HDX: variants seen among roughly 807,000 people sequenced by gnomAD.
HDX encodes highly divergent homeobox.
In HDX, 19 loss-of-function variants were observed where a neutral mutation model predicts 45.2. That is an observed-to-expected ratio of 0.42 (90% CI 0.29 to 0.62). The LOEUF is 0.62. HDX is among the 20% of genes least tolerant of loss of function. HDX has a pLI of 0.20. For synonymous variants in HDX, 188 were observed against 172.8 expected (o/e 1.09, Z -0.69); for missense variants, 532 against 493.9 (o/e 1.08, Z -0.73).
intron 2 of HDX, among the ~76,000 whole-genome samples, chrX:84,477,056 AT>A (rs564493731): frequency 0.01 from 1,122 of 108,641 alleles, 23 homozygotes; most frequent in African/African-American, 0.036. Flanking sequence ...CATTAAAGCA[AT>A]TTTTTTTTTA....
chrX:84,466,626 A>G (rs894614165), intron 4 of HDX, among the ~76,000 whole-genome samples: 5 of 112,178 alleles, frequency 4.5e-5, no homozygotes, highest in African/African-American at 1.6e-4. Context: ...AAAAATAGAG[A>G]CTGTGTAAAG....
At chrX:84,471,417 G>A (rs771340588) in intron 3 of HDX, among the ~76,000 whole-genome samples, 2 of 106,985 alleles carry the variant, frequency 1.9e-5, no homozygotes, top group African/African-American at 6.8e-5. Flanking sequence ...TATCGATATA[G>A]AGTATTATTA....
intron 5 of HDX, among the ~76,000 whole-genome samples, chrX:84,401,883 T>C (rs916986215): frequency 1.8e-5 from 2 of 111,729 alleles, no homozygotes; most frequent in African/African-American, 6.5e-5. Flanking sequence ...GCATAAATCA[T>C]GTCCCTTGCA....
chrX:84,326,008 T>A (rs2036700525), intron 10 of HDX, among the ~76,000 whole-genome samples, 170 bp downstream of exon 10: 2 of 111,826 alleles, frequency 1.8e-5, no homozygotes, highest in African/African-American at 6.5e-5. Context: ...ACACAAAATC[T>A]GAGCATCTAT....
At chrX:84,477,761 TAAC>T (rs886135675) in intron 2 of HDX, among the ~76,000 whole-genome samples, 3 of 112,165 alleles carry the variant, frequency 2.7e-5, no homozygotes, top group Non-Finnish European at 5.6e-5. Context: ...TTTAAAATAA[TAAC>T]TTTTAAAGTT....
At chrX:84,417,735 G>T (rs964237156) in intron 5 of HDX, among the ~76,000 whole-genome samples, 2 of 111,451 alleles carry the variant, frequency 1.8e-5, no homozygotes, top group African/African-American at 6.5e-5. Flanking sequence ...CTATGTTTTT[G>T]GCCTTTCAGT....
chrX:84,425,364 G>T (rs1362338514), intron 5 of HDX, among the ~76,000 whole-genome samples: 1 of 111,716 alleles, frequency 9.0e-6, no homozygotes, highest in Non-Finnish European at 1.9e-5. Context: ...TACAATGTTG[G>T]TAGAAATGTA....
intron 5 of HDX, among the ~76,000 whole-genome samples, chrX:84,386,787 AAC>A (rs2038330235): frequency 8.9e-6 from 1 of 111,956 alleles, no homozygotes; most frequent in African/African-American, 3.2e-5. Context: ...TTTGCAAAGA[AAC>A]AGTCCCTTCA....
intron 5 of HDX, among the ~76,000 whole-genome samples, chrX:84,437,557 G>T (rs2039665669): frequency 9.0e-6 from 1 of 111,016 alleles, no homozygotes; most frequent in Admixed American, 9.6e-5. Flanking sequence ...ATTTTCATCT[G>T]CTTGATTTAC....
intron 5 of HDX, among the ~76,000 whole-genome samples, chrX:84,414,140 G>A (rs1463149533): frequency 9.0e-6 from 1 of 111,604 alleles, no homozygotes; most frequent in Non-Finnish European, 1.9e-5. Context: ...TCCAATCAGT[G>A]TACCCCAACT....
At chrX:84,481,646 T>C (rs1464719977) in intron 2 of HDX, among the ~76,000 whole-genome samples, 2 of 111,709 alleles carry the variant, frequency 1.8e-5, no homozygotes, top group East Asian at 5.6e-4. Context: ...TTTAAGTGCT[T>C]GGACAATTTT....
intron 2 of HDX, among the ~76,000 whole-genome samples, chrX:84,482,684 G>C (rs1166349706): frequency 9.0e-6 from 1 of 110,722 alleles, no homozygotes; most frequent in Admixed American, 9.6e-5. Flanking sequence ...ATATTATTCC[G>C]TCTCTGGCCC....
intron 5 of HDX, among the ~76,000 whole-genome samples, chrX:84,423,932 C>T (rs1034275822): frequency 9.0e-6 from 1 of 110,793 alleles, no homozygotes; most frequent in African/African-American, 3.3e-5. Flanking sequence ...TCTAGTATCA[C>T]CATTGTTATT....
intron 4 of HDX, among the ~76,000 whole-genome samples, chrX:84,441,954 T>A (rs1157842914): frequency 9.0e-6 from 1 of 111,410 alleles, no homozygotes; most frequent in East Asian, 2.8e-4. Context: ...CTAAGACAAA[T>A]GGCCAGTAAC....
intron 5 of HDX, among the ~76,000 whole-genome samples, chrX:84,423,867 C>T (rs941571624): frequency 1.8e-5 from 2 of 110,858 alleles, no homozygotes; most frequent in African/African-American, 6.6e-5. Context: ...TAATATCATA[C>T]AGAATGGGGA....
At chrX:84,440,473 A>ATTTT (rs1030229621) in intron 5 of HDX, 59 bp downstream of exon 5, 2 of 823,985 alleles carry the variant, frequency 2.4e-6, no homozygotes, top group African/African-American at 2.0e-5. Flanking sequence ...TCTCAATGGC[A>ATTTT]TTTTTACTAA....
At chrX:84,403,953 T>A (rs1258162344) in intron 5 of HDX, 1 of 111,026 alleles carries the variant, frequency 9.0e-6, no homozygotes, top group Admixed American at 9.7e-5. Context: ...AGAAGGCGGG[T>A]CAGGCATCTG....
intron 4 of HDX, among the ~76,000 whole-genome samples, chrX:84,456,846 G>A (rs1049561244): frequency 9.0e-6 from 1 of 111,555 alleles, no homozygotes; most frequent in Admixed American, 9.5e-5. Flanking sequence ...AAATATATAT[G>A]CACCAAACAC....
chrX:84,425,624 T>G, intron 5 of HDX, among the ~76,000 whole-genome samples: 1 of 111,800 alleles, frequency 8.9e-6, no homozygotes, highest in Middle Eastern at 4.7e-3. Context: ...TACTATTCAG[T>G]AATGAAAAAA....
Sources: gnomAD v4.1 joint callset for allele counts (sites outside exome capture counted in the v4.1 genomes callset) on GRCh38, gnomAD v4.1.1 for gene constraint, MANE v1.5 for transcripts, NCBI Gene and HGNC (gene_info 2026-07-23, HGNC 2026-07-21) for gene names.